HSF5: variants seen among roughly 807,000 people sequenced by gnomAD.
The protein encoded by HSF5 is heat shock factor protein 5.
A neutral mutation model predicts 50.8 loss-of-function variants in HSF5; 5 were observed. That is an observed-to-expected ratio of 0.10 (90% CI 0.05 to 0.21). HSF5 has a LOEUF of 0.21. Among genes scored for constraint, HSF5 ranks in the 10% least tolerant of loss-of-function variants. HSF5 has a pLI of 1.00. For missense variants in HSF5, 564 were observed against 762.6 expected, an observed-to-expected ratio of 0.74 and a Z score of 3.07; for synonymous variants, 307 against 307.4, an observed-to-expected ratio of 1.00 and a Z score of 0.02.
At chr17:58,478,282 T>TAA (rs61339406) in intron 2 of HSF5, among the ~76,000 whole-genome samples, 54,375 of 133,804 alleles carry the variant, frequency 0.41, 11,133 homozygotes, top group African/African-American at 0.5. Context: ...AATAAATAAA[T>TAA]ATATATATAT....
chr17:58,457,751 TTCTC>T (rs1488677278), intron 5 of HSF5, among the ~76,000 whole-genome samples: 2 of 152,260 alleles, frequency 1.3e-5, no homozygotes. Context: ...GTTCCTGCCT[TTCTC>T]TCATCTAAAT....
At chr17:58,454,695 A>G (rs1193446297) in intron 5 of HSF5, among the ~76,000 whole-genome samples, 4 of 152,204 alleles carry the variant, frequency 2.6e-5, no homozygotes, top group Non-Finnish European at 5.9e-5. Context: ...CCAATAGTAA[A>G]CTATCTGAAA....
At chr17:58,461,473 T>C (rs1048896998) in intron 4 of HSF5, among the ~76,000 whole-genome samples, 4 of 151,714 alleles carry the variant, frequency 2.6e-5, no homozygotes, top group African/African-American at 9.7e-5. Context: ...TCAGTCCTAT[T>C]GAAGAAAAAA....
intron 2 of HSF5, 52 bp from the exon 3 acceptor site, chr17:58,467,031 G>A (rs1284482602): frequency 8.6e-7 from 1 of 1,161,230 alleles, no homozygotes; most frequent in African/African-American, 1.5e-5. Flanking sequence ...CATTTCTATA[G>A]CATTCAAGGA....
chr17:58,470,389 A>G (rs1429098692), intron 2 of HSF5, among the ~76,000 whole-genome samples: 1 of 152,250 alleles, frequency 6.6e-6, no homozygotes, highest in East Asian at 1.9e-4. Flanking sequence ...TCTTAAAGAC[A>G]TTAAGTGAAA....
intron 4 of HSF5, among the ~76,000 whole-genome samples, chr17:58,462,338 GA>G (rs1373170400): frequency 6.6e-6 from 1 of 152,188 alleles, no homozygotes; most frequent in African/African-American, 2.4e-5. Flanking sequence ...AATAAAGTTA[GA>G]AAAGACTTCC....
intron 5 of HSF5, among the ~76,000 whole-genome samples, chr17:58,427,467 A>C (rs2143725257): frequency 6.6e-6 from 1 of 152,334 alleles, no homozygotes; most frequent in East Asian, 1.9e-4. Context: ...AGTTAATGTC[A>C]GAATTATAGC....
intron 4 of HSF5, among the ~76,000 whole-genome samples, chr17:58,461,832 T>C (rs960258771): frequency 3.3e-5 from 5 of 152,156 alleles, no homozygotes; most frequent in African/African-American, 9.7e-5. Context: ...ATTGCACCAC[T>C]GCACTCCAGC....
rs188128780 is a variant in HSF5, at chr17:58,443,736, A to G, written c.1720+15032T>C. Among the ~76,000 whole-genome samples, 41 of 152,352 alleles carry G rather than the reference A, an allele frequency of 2.7e-4. No individual in the cohort carries two copies. The Middle Eastern group carries it at 0.014, about 51-fold the overall frequency. On this transcript the variant is annotated intron_variant, in intron 5 of 5. Coordinates refer to ENST00000323777, the MANE Select transcript of HSF5 (RefSeq NM_001080439.3). ...AATGAGAATAATTTTTAACAAATAT[A>G]CCCAAACTTATATAAGAGAAACTTT... is the stretch of plus-strand genomic sequence containing the variant.
intron 5 of HSF5, among the ~76,000 whole-genome samples, chr17:58,439,554 G>A (rs142466380): frequency 1.3e-4 from 19 of 151,840 alleles, no homozygotes; most frequent in South Asian, 4.2e-4. Context: ...GCGCGATCTC[G>A]GCTCACTGCA....
chr17:58,438,681 A>C (rs936336634), intron 5 of HSF5, among the ~76,000 whole-genome samples: 1 of 152,048 alleles, frequency 6.6e-6, no homozygotes, highest in Non-Finnish European at 1.5e-5. Context: ...AGAAGAGATA[A>C]ACTCAGGCTA....
chr17:58,467,070 C>T (rs1479045798), intron 2 of HSF5, 91 bp from the exon 3 acceptor site: 4 of 796,382 alleles, frequency 5.0e-6, no homozygotes, highest in Non-Finnish European at 6.2e-6. Context: ...GGAAAGAAAT[C>T]CAAATTTGAA....
intron 5 of HSF5, among the ~76,000 whole-genome samples, chr17:58,457,016 T>G (rs1974720571): frequency 6.6e-6 from 1 of 151,686 alleles, no homozygotes. Flanking sequence ...CCCAGCACTG[T>G]GGGAGGCCGA....
chr17:58,487,284 C>T (rs898088008), intron 1 of HSF5, among the ~76,000 whole-genome samples: 3 of 152,332 alleles, frequency 2.0e-5, no homozygotes, highest in African/African-American at 7.2e-5. Context: ...CTGCTTCCCA[C>T]GGGAGCAAAG....
intron 1 of HSF5, among the ~76,000 whole-genome samples, chr17:58,480,932 T>C (rs1233899323): frequency 6.6e-6 from 1 of 152,064 alleles, no homozygotes; most frequent in Non-Finnish European, 1.5e-5. Context: ...GAACTATAGG[T>C]GCACATCACC....
chr17:58,453,953 G>A (rs1290099343), intron 5 of HSF5, among the ~76,000 whole-genome samples: 1 of 152,172 alleles, frequency 6.6e-6, no homozygotes, highest in South Asian at 2.1e-4. Context: ...AATTAGCCAG[G>A]CATGGTGGCA....
intron 1 of HSF5, among the ~76,000 whole-genome samples, chr17:58,482,709 C>CAAAAAAAAAAAAAAAAAAAAAAAAA (rs34783781): frequency 1.5e-4 from 2 of 13,464 alleles, no homozygotes; most frequent in African/African-American, 6.1e-4. Flanking sequence ...GACTCCATCT[C>CAAAAAAAAAAAAAAAAAAAAAAAAA]AAAAAAAAAA....
At chr17:58,439,935 G>A (rs1310930510) in intron 5 of HSF5, among the ~76,000 whole-genome samples, 1 of 149,772 alleles carries the variant, frequency 6.7e-6, no homozygotes, top group Admixed American at 6.7e-5. Context: ...ATCCAATACT[G>A]GACTAAAGAA....
At chr17:58,453,599 AAAC>A (rs71143249) in intron 5 of HSF5, among the ~76,000 whole-genome samples, 2,166 of 150,614 alleles carry the variant, frequency 0.014, 26 homozygotes, top group African/African-American at 0.035. Flanking sequence ...ACTCCATCTC[AAAC>A]AACAACAACA....
Sources: gnomAD v4.1 joint callset for allele counts (sites outside exome capture counted in the v4.1 genomes callset) on GRCh38, gnomAD v4.1.1 for gene constraint, MANE v1.5 for transcripts, NCBI Gene and HGNC (gene_info 2026-07-23, HGNC 2026-07-21) for gene names.